Variants in PLA2R1 observed in about 807,000 individuals in gnomAD.
The protein encoded by PLA2R1 is secretory phospholipase A2 receptor.
A neutral mutation model predicts 195.9 loss-of-function variants in PLA2R1; 158 were observed. That is an observed-to-expected ratio of 0.81 (90% CI 0.71 to 0.92). PLA2R1 has a LOEUF of 0.92. Ranked by LOEUF, PLA2R1 falls within the 40% of genes least tolerant of loss-of-function variation. The pLI is 0.00. For synonymous variants in PLA2R1, 586 were observed against 598.2 expected, an observed-to-expected ratio of 0.98 and a Z score of 0.30; for missense variants, 1,626 against 1,764.6, an observed-to-expected ratio of 0.92 and a Z score of 1.41.
chr2:159,943,677 A>T (rs1047562094), intron 28 of PLA2R1, among the ~76,000 whole-genome samples: 1 of 152,226 alleles, frequency 6.6e-6, no homozygotes, highest in Non-Finnish European at 1.5e-5. Context: ...AGGATGAAAC[A>T]GGTGTCATCT....
intron 3 of PLA2R1, among the ~76,000 whole-genome samples, chr2:160,038,544 G>C (rs543892008): frequency 6.6e-6 from 1 of 152,184 alleles, no homozygotes; most frequent in African/African-American, 2.4e-5. Context: ...TCATCCTCGC[G>C]CATAGAAGGG....
chr2:160,018,550 T>C (rs1206922643), intron 8 of PLA2R1, among the ~76,000 whole-genome samples: 3 of 152,144 alleles, frequency 2.0e-5, no homozygotes, highest in Non-Finnish European at 4.4e-5. Context: ...GAGAATCTCT[T>C]GAATCCAGGA....
intron 10 of PLA2R1, among the ~76,000 whole-genome samples, chr2:160,009,967 A>G (rs1692248270): frequency 6.6e-6 from 1 of 151,776 alleles, no homozygotes; most frequent in Non-Finnish European, 1.5e-5. Flanking sequence ...AAAATTAGCC[A>G]GGCATGGTGG....
At chr2:159,959,184 T>A (rs1051279901) in intron 20 of PLA2R1, among the ~76,000 whole-genome samples, 37 of 152,222 alleles carry the variant, frequency 2.4e-4, no homozygotes, top group African/African-American at 8.4e-4. Flanking sequence ...GTGGCACATA[T>A]TAATTATTGG....
intron 11 of PLA2R1, 51 bp from the exon 12 acceptor site, chr2:159,987,409 T>C: frequency 7.6e-7 from 1 of 1,313,752 alleles, no homozygotes; most frequent in Non-Finnish European, 1.1e-6. Context: ...AAACGTTTTG[T>C]GCTCAGAAGA....
Position 159,935,910 on chromosome 2 carries a change from A to G in PLA2R1, c.*5868T>C, listed in dbSNP as rs971943575. 6.7e-5 allele frequency: 10 copies of G among 149,050 alleles called. No homozygotes were observed. Among genetic ancestry groups the G allele is most frequent in the Non-Finnish European group, 1.0e-4 (7 of 67,536 alleles). The allele number at this position is 149,050 out of a possible 1,614,324, so 9.2% of individuals were successfully genotyped here. On this transcript the variant is annotated 3_prime_UTR_variant, in exon 30 of 30. Transcript: ENST00000283243. ...GAAATATTTTATTCATTACCTTGTC[A>G]TATTTTCCTGCAGTAAAAATATGTA...
chr2:159,994,902 T>C (rs1691103252), intron 11 of PLA2R1, among the ~76,000 whole-genome samples: 2 of 152,204 alleles, frequency 1.3e-5, no homozygotes, highest in Admixed American at 6.5e-5. Context: ...TGAGTGTTCA[T>C]GTAGGTTCGT....
intron 11 of PLA2R1, 71 bp downstream of exon 11, chr2:160,005,580 TG>T: frequency 7.8e-7 from 1 of 1,285,390 alleles, no homozygotes; most frequent in Non-Finnish European, 1.1e-6. Context: ...TCAAAGGAGG[TG>T]GGCCAAGGGG....
At chr2:160,045,209 G>T in intron 1 of PLA2R1, 52 bp from the exon 2 acceptor site, 1 of 1,379,198 alleles carries the variant, frequency 7.3e-7, no homozygotes, top group Non-Finnish European at 1.0e-6. Context: ...TAATTAACTA[G>T]CGTCATGAGG....
In PLA2R1 at chr2:159,979,822, A is replaced by G; in HGVS notation, c.2268+8T>C. The G allele has an allele frequency of 6.5e-7, 1 of 1,532,242 alleles. No individual in the cohort carries two copies. Among genetic ancestry groups the G allele is most frequent in the Non-Finnish European group, 9.0e-7 (1 of 1,109,056 alleles). The allele number at this position is 1,532,242 out of a possible 1,614,324, so 94.9% of individuals were successfully genotyped here. A position where few individuals can be genotyped will look rare whatever the true frequency, so the allele number is the denominator to read the frequency against. On this transcript the variant is annotated splice_region_variant and intron_variant, in intron 14 of 29. Transcript: ENST00000283243. Reference sequence around the variant, plus strand: ...TCCATCCCTTTTCTCCAGTTTGAAAAGACTTACAGGAGTTCTATCAGACCA... The same window carrying G: ...TCCATCCCTTTTCTCCAGTTTGAAAGGACTTACAGGAGTTCTATCAGACCA...
Position 160,020,167 on chromosome 2 carries a change from T to C in PLA2R1, c.1391A>G (p.His464Arg). Residue 464 changes from histidine (H) to arginine (R), a missense_variant, in exon 8 of 30, where the codon CAC (histidine) becomes CGC (arginine). By Grantham distance (29) the His-to-Arg change is conservative. Coordinates refer to ENST00000283243, the MANE Select transcript of PLA2R1 (RefSeq NM_007366.5). ...NDSSVIFTNW[H>R]TLEPHIFPNR... ...TGGAAAAATGTGGGGCTCAAGTGTG[T>C]GCCAATTAGTAAAGATGACTGAAGA... is the stretch of plus-strand genomic sequence containing the variant. 6.2e-7 allele frequency: 1 copy of C among 1,613,476 alleles called. No individual in the cohort carries two copies. Among genetic ancestry groups the C allele is most frequent in the Non-Finnish European group, 8.5e-7 (1 of 1,179,398 alleles).
At chr2:159,969,718 T>C (rs1204031188) in intron 18 of PLA2R1, among the ~76,000 whole-genome samples, 1 of 152,050 alleles carries the variant, frequency 6.6e-6, no homozygotes, top group Admixed American at 6.6e-5. Flanking sequence ...AATTTTTGTA[T>C]TTTTAGTAGA....
chr2:160,001,394 A>C (rs1476623947), intron 11 of PLA2R1, among the ~76,000 whole-genome samples: 1 of 152,086 alleles, frequency 6.6e-6, no homozygotes, highest in Non-Finnish European at 1.5e-5. Context: ...GAAAGAAGAG[A>C]AAACATGACT....
chr2:159,941,634 A>G lies in PLA2R1; in HGVS notation c.*144T>C, dbSNP rs1687089291. 21 of 561,760 alleles carry G rather than the reference A, an allele frequency of 3.7e-5. 1 individual carries two copies. The South Asian group carries it at 5.3e-4, about 14-fold the overall frequency. 34.8% of individuals were successfully genotyped at this position (561,760 alleles called of 1,614,324 possible). ...CCATCTGATTTGGTTAAGATTCAAA[A>G]CCAGTAATCACTTCAAGAATAATTA... On this transcript the variant is annotated 3_prime_UTR_variant, in exon 30 of 30. Coordinates refer to ENST00000283243, the MANE Select transcript of PLA2R1 (RefSeq NM_007366.5).
rs1217754141 is a variant in PLA2R1, at chr2:159,935,016, T to C, written c.*6762A>G. 6.6e-6 allele frequency: 1 copy of C among 152,174 alleles called. No individual in the cohort carries two copies. The highest frequency in any genetic ancestry group is 1.5e-5 in the Non-Finnish European group (1 of 68,040). 9.4% of individuals were successfully genotyped at this position (152,174 alleles called of 1,614,324 possible). The stretch of plus-strand genomic sequence containing the variant: ...TTTCATGACCAGGACACTTTTGAAG[T>C]GATCATTTATCTTGTGGAATGTCCC... On this transcript the variant is annotated 3_prime_UTR_variant, in exon 30 of 30. Coordinates refer to ENST00000283243, the MANE Select transcript of PLA2R1 (RefSeq NM_007366.5).
At position 159,951,490 on chromosome 2, in the gene PLA2R1, A is replaced by G. The variant is rs770981529; in HGVS notation, c.3390T>C (p.Asn1130=). 17 of 1,610,576 alleles carry G rather than the reference A, an allele frequency of 1.1e-5. No homozygotes were observed. The East Asian group carries it at 3.3e-4, about 32-fold the overall frequency. Residue 1130 remains asparagine, a synonymous_variant, in exon 24 of 30, where the codon AAT becomes AAC. Coordinates refer to ENST00000283243, the MANE Select transcript of PLA2R1 (RefSeq NM_007366.5). Reference sequence around the variant, plus strand: ...TTGCTGCATACCAAGTCATATTTGCATTAATTATTTTGTAAGTTCTGTTTC... The same window carrying G: ...TTGCTGCATACCAAGTCATATTTGCGTTAATTATTTTGTAAGTTCTGTTTC... ...EYGNRTYKII[N]ANMTWYAAIK...
In PLA2R1 at chr2:159,939,644, A is replaced by G. The variant is rs757713284; in HGVS notation, c.*2134T>C. 1 of 152,180 alleles carries G rather than the reference A, an allele frequency of 6.6e-6. No homozygotes were observed. The highest frequency in any genetic ancestry group is 1.5e-5 in the Non-Finnish European group (1 of 68,034). 9.4% of individuals were successfully genotyped at this position (152,180 alleles called of 1,614,324 possible). On this transcript the variant is annotated 3_prime_UTR_variant, in exon 30 of 30. Coordinates refer to ENST00000283243, the MANE Select transcript of PLA2R1 (RefSeq NM_007366.5). ...CTGTCCATGGGTCCAGATTATCTGGAGATGTTGTTCAATACTAAACATCAA... is the reference window on the plus strand; with the variant it reads ...CTGTCCATGGGTCCAGATTATCTGGGGATGTTGTTCAATACTAAACATCAA...
At chr2:159,958,318 T>C (rs554669400) in intron 20 of PLA2R1, among the ~76,000 whole-genome samples, 3 of 152,212 alleles carry the variant, frequency 2.0e-5, no homozygotes, top group South Asian at 2.1e-4. Flanking sequence ...TCTGCCATGA[T>C]TGTAAGCTCC....
intron 20 of PLA2R1, among the ~76,000 whole-genome samples, chr2:159,962,087 A>G (rs145411646): frequency 0.18 from 27,654 of 151,948 alleles, 2,784 homozygotes; most frequent in South Asian, 0.42. Flanking sequence ...TATCATCAGA[A>G]TAAACAGGCA....
Sources: gnomAD v4.1 joint callset for allele counts (sites outside exome capture counted in the v4.1 genomes callset) on GRCh38, gnomAD v4.1.1 for gene constraint, MANE v1.5 for transcripts, NCBI Gene and HGNC (gene_info 2026-07-23, HGNC 2026-07-21) for gene names.